The following MAPK10 variants were observed in gnomAD, a reference collection of about 807,000 sequenced individuals.
MAPK10 encodes the protein mitogen-activated protein kinase 10.
Under a neutral mutation model 59.3 loss-of-function variants are expected in MAPK10, and 25 were observed. The observed-to-expected ratio is 0.42, with a 90% CI of 0.31 to 0.59. The LOEUF is 0.59. MAPK10 is among the 20% of genes least tolerant of loss of function. The pLI, the probability that MAPK10 is intolerant of heterozygous loss-of-function variation, is 0.15. For synonymous variants in MAPK10, 190 were observed against 200.5 expected (o/e 0.95, Z 0.44); for missense variants, 351 against 568.9 (o/e 0.62, Z 3.90).
intron 2 of MAPK10, among the ~76,000 whole-genome samples, chr4:86,313,597 A>G (rs966757125): frequency 1.3e-5 from 2 of 152,170 alleles, no homozygotes; most frequent in Non-Finnish European, 2.9e-5. Flanking sequence ...CAAGTGGCCA[A>G]AAAGCAGATT....
intron 1 of MAPK10, among the ~76,000 whole-genome samples, chr4:86,374,533 A>AAAGGTG (rs1458913022): frequency 5.3e-5 from 8 of 152,258 alleles, no homozygotes; most frequent in African/African-American, 1.9e-4. Flanking sequence ...TGGCAGTCAG[A>AAAGGTG]GCAGCTATGA....
intron 1 of MAPK10, among the ~76,000 whole-genome samples, chr4:86,496,847 A>C (rs1460360477): frequency 6.6e-6 from 1 of 152,176 alleles, no homozygotes; most frequent in Admixed American, 6.5e-5. Flanking sequence ...TGGAGGGCTA[A>C]GCACACGCTT....
At chr4:86,160,502 T>C (rs1158670133) in intron 3 of MAPK10, 1 of 151,998 alleles carries the variant, frequency 6.6e-6, no homozygotes, top group East Asian at 1.9e-4. Flanking sequence ...TTAAAGGTGG[T>C]TTTGACCCAT....
chr4:86,092,178 T>G (rs986218079), intron 9 of MAPK10, among the ~76,000 whole-genome samples: 1 of 152,154 alleles, frequency 6.6e-6, no homozygotes, highest in Non-Finnish European at 1.5e-5. Flanking sequence ...GATCTGAAAT[T>G]CTGATGTACA....
chr4:86,536,051 G>A (rs1227874950), intron 1 of MAPK10, among the ~76,000 whole-genome samples: 1 of 152,124 alleles, frequency 6.6e-6, no homozygotes, highest in East Asian at 1.9e-4. Context: ...ATTTCCCCTT[G>A]TCCCCAGAGA....
intron 3 of MAPK10, among the ~76,000 whole-genome samples, chr4:86,174,677 G>C (rs906995677): frequency 6.6e-5 from 10 of 152,044 alleles, no homozygotes; most frequent in Non-Finnish European, 1.5e-4. Flanking sequence ...GTTTTAGCTC[G>C]TGCATCACAG....
At chr4:86,401,796 T>C (rs1160750647) in intron 1 of MAPK10, among the ~76,000 whole-genome samples, 3 of 152,218 alleles carry the variant, frequency 2.0e-5, no homozygotes, top group Non-Finnish European at 2.9e-5. Flanking sequence ...CAAATTGGTT[T>C]ACAAATATTA....
intron 2 of MAPK10, among the ~76,000 whole-genome samples, chr4:86,310,973 C>A (rs1210731523): frequency 6.7e-6 from 1 of 149,002 alleles, no homozygotes; most frequent in Admixed American, 6.8e-5. Flanking sequence ...AAAGTCAGAC[C>A]CACAGATACA....
chr4:86,514,883 G>A (rs1056030742), intron 1 of MAPK10, among the ~76,000 whole-genome samples: 1 of 152,134 alleles, frequency 6.6e-6, no homozygotes, highest in Non-Finnish European at 1.5e-5. Flanking sequence ...GGGGGAACAG[G>A]TAGTGCTTGG....
intron 9 of MAPK10, among the ~76,000 whole-genome samples, chr4:86,088,664 A>C (rs1428726744): frequency 6.6e-6 from 1 of 152,176 alleles, no homozygotes; most frequent in Non-Finnish European, 1.5e-5. Context: ...TATTCCCATA[A>C]ATGGAGTGAA....
chr4:86,372,495 G>A (rs183149451), intron 1 of MAPK10, among the ~76,000 whole-genome samples: 3 of 140,426 alleles, frequency 2.1e-5, no homozygotes, highest in African/African-American at 8.1e-5. Context: ...CCAGACTGGC[G>A]ACAGAGTAAG....
At position 86,064,894 on chromosome 4, in the gene MAPK10, TTTTG is replaced by T. The variant is rs2046429348; in HGVS notation, c.986-508_986-505del. ...ATACAAATTTTTCTTTTCTTTTTGT[TTTTG>T]TTTATTTATTTATTTATTTATTTTT... On this transcript the variant is annotated intron_variant, in intron 10 of 13. Transcript: ENST00000641462. 2.6e-5 allele frequency: 4 copies of T among 152,436 alleles called. No individual in the cohort carries two copies. The South Asian group carries it at 8.3e-4, about 32-fold the overall frequency. The allele number at this position is 152,436 out of a possible 1,614,324, so 9.4% of individuals were successfully genotyped here.
chr4:86,130,688 A>G (rs533698600), intron 4 of MAPK10, among the ~76,000 whole-genome samples: 1 of 152,262 alleles, frequency 6.6e-6, no homozygotes, highest in Non-Finnish European at 1.5e-5. Context: ...GAGCTTATGG[A>G]TATTCATTTC....
intron 2 of MAPK10, among the ~76,000 whole-genome samples, chr4:86,209,574 T>C (rs551613010): frequency 2.0e-5 from 3 of 152,168 alleles, no homozygotes; most frequent in Admixed American, 6.6e-5. Context: ...ATAGTTATCA[T>C]ATTAGTAGAT....
chr4:86,238,666 G>A (rs188439993), intron 2 of MAPK10, among the ~76,000 whole-genome samples: 20 of 152,102 alleles, frequency 1.3e-4, no homozygotes, highest in Admixed American at 3.9e-4. Context: ...TTGGTGTAAA[G>A]GAATGCTTGT....
chr4:86,036,214 C>A (rs940739957), intron 11 of MAPK10, among the ~76,000 whole-genome samples: 1 of 152,116 alleles, frequency 6.6e-6, no homozygotes, highest in South Asian at 2.1e-4. Flanking sequence ...CCTTTGAAAG[C>A]TTTCCAAACT....
intron 1 of MAPK10, among the ~76,000 whole-genome samples, chr4:86,585,268 T>C (rs1275410681): frequency 1.3e-5 from 2 of 152,178 alleles, no homozygotes; most frequent in African/African-American, 4.8e-5. Flanking sequence ...TTTTTAAAAA[T>C]GAAATTGAAT....
intron 1 of MAPK10, among the ~76,000 whole-genome samples, chr4:86,443,749 A>C (rs1280283321): frequency 6.6e-6 from 1 of 152,236 alleles, no homozygotes; most frequent in African/African-American, 2.4e-5. Flanking sequence ...GGCAGAAAGC[A>C]CAGTTGGAAG....
intron 2 of MAPK10, among the ~76,000 whole-genome samples, chr4:86,338,794 G>T (rs1723115495): frequency 6.6e-6 from 1 of 152,134 alleles, no homozygotes; most frequent in Non-Finnish European, 1.5e-5. Context: ...TTTCAGTGAT[G>T]AAAGTGCTTG....
Sources: gnomAD v4.1 joint callset for allele counts (sites outside exome capture counted in the v4.1 genomes callset) on GRCh38, gnomAD v4.1.1 for gene constraint, MANE v1.5 for transcripts, NCBI Gene and HGNC (gene_info 2026-07-23, HGNC 2026-07-21) for gene names.